Variants in FBXL17 observed in about 807,000 individuals in gnomAD.
FBXL17 encodes F-box and leucine rich repeat protein 17, also known as F-box/LRR-repeat protein 17.
Under a neutral mutation model 66.2 loss-of-function variants are expected in FBXL17, and 22 were observed. The observed-to-expected ratio is 0.33, with a 90% CI of 0.24 to 0.47. The LOEUF is 0.47. Ranked by LOEUF, FBXL17 falls within the 20% of genes least tolerant of loss-of-function variation. The pLI is 1.00. For synonymous variants in FBXL17, 474 were observed against 400.5 expected, an observed-to-expected ratio of 1.18 and a Z score of -2.19; for missense variants, 878 against 948.2, an observed-to-expected ratio of 0.93 and a Z score of 0.97.
At chr5:108,126,993 G>T (rs1047549781) in intron 6 of FBXL17, among the ~76,000 whole-genome samples, 1 of 151,506 alleles carries the variant, frequency 6.6e-6, no homozygotes, top group African/African-American at 2.4e-5. Flanking sequence ...GAAACCCTTG[G>T]GTTCCTAATA....
chr5:108,294,491 A>AT (rs1298167295), intron 4 of FBXL17, among the ~76,000 whole-genome samples: 1 of 151,948 alleles, frequency 6.6e-6, no homozygotes, highest in Non-Finnish European at 1.5e-5. Context: ...CATTATAAAT[A>AT]TTTTTATGAA....
At chr5:108,228,425 C>A (rs1580654058) in intron 4 of FBXL17, among the ~76,000 whole-genome samples, 1 of 152,256 alleles carries the variant, frequency 6.6e-6, no homozygotes, top group Middle Eastern at 3.4e-3. Context: ...AGCTTCAAAT[C>A]CCAACTGGAC....
chr5:108,217,449 G>C (rs1224443241), intron 5 of FBXL17, among the ~76,000 whole-genome samples: 1 of 151,326 alleles, frequency 6.6e-6, no homozygotes, highest in Non-Finnish European at 1.5e-5. Context: ...CTTTTTTTTT[G>C]ATCAGTGTGA....
At chr5:108,358,927 C>A (rs186544177) in intron 3 of FBXL17, among the ~76,000 whole-genome samples, 1 of 151,882 alleles carries the variant, frequency 6.6e-6, no homozygotes, top group African/African-American at 2.4e-5. Flanking sequence ...TGCTATATTG[C>A]CCTAGCTGGA....
At position 108,326,613 on chromosome 5, in the gene FBXL17, A is replaced by T. The variant is rs142250203; in HGVS notation, c.1506+21786T>A. Among the ~76,000 whole-genome samples, 418 of 152,086 alleles carry T rather than the reference A, an allele frequency of 2.7e-3. 4 individuals are homozygous for T. Among genetic ancestry groups the T allele is most frequent in the African/African-American group, 9.5e-3 (396 of 41,504 alleles). On this transcript the variant is annotated intron_variant, in intron 4 of 8. Transcript: ENST00000542267. ...GCGACAGAGCAAGACTCTGTCTCCA[A>T]AAAAAAGCAAAAGATTTGAAAAGAC...
chr5:108,259,761 T>A (rs902999445), intron 4 of FBXL17, among the ~76,000 whole-genome samples: 2 of 152,100 alleles, frequency 1.3e-5, no homozygotes, highest in African/African-American at 4.8e-5. Context: ...AGAGAGGGTA[T>A]CTAAAAGGAA....
At chr5:108,375,173 G>T (rs1179406267) in intron 1 of FBXL17, among the ~76,000 whole-genome samples, 1 of 152,108 alleles carries the variant, frequency 6.6e-6, no homozygotes, top group African/African-American at 2.4e-5. Flanking sequence ...GGAAAACATA[G>T]CAAGACCCTG....
At chr5:108,043,551 T>G (rs1747131248) in intron 6 of FBXL17, among the ~76,000 whole-genome samples, 1 of 152,208 alleles carries the variant, frequency 6.6e-6, no homozygotes, top group Non-Finnish European at 1.5e-5. Context: ...ACGTGAGTCC[T>G]TTCTGAGTTT....
At chr5:107,931,732 G>A (rs1468860153) in intron 7 of FBXL17, among the ~76,000 whole-genome samples, 1 of 152,048 alleles carries the variant, frequency 6.6e-6, no homozygotes, top group Admixed American at 6.6e-5. Flanking sequence ...AGAAATATAG[G>A]TAAGTATTTA....
intron 4 of FBXL17, among the ~76,000 whole-genome samples, chr5:108,323,029 T>C (rs1759689858): frequency 6.6e-6 from 1 of 151,884 alleles, no homozygotes; most frequent in African/African-American, 2.4e-5. Flanking sequence ...AAGCTTTACC[T>C]CTAATAACAG....
At chr5:108,017,086 A>T (rs1472471355) in intron 7 of FBXL17, among the ~76,000 whole-genome samples, 1 of 152,068 alleles carries the variant, frequency 6.6e-6, no homozygotes, top group African/African-American at 2.4e-5. Context: ...GCCTTGAAGG[A>T]AGTAAATTTT....
intron 4 of FBXL17, among the ~76,000 whole-genome samples, chr5:108,322,558 C>T (rs866341898): frequency 6.6e-6 from 1 of 151,744 alleles, no homozygotes; most frequent in Admixed American, 6.6e-5. Context: ...ACATAGAGAG[C>T]AGTGGAGAAG....
chr5:108,114,483 T>C (rs1398915875), intron 6 of FBXL17, among the ~76,000 whole-genome samples: 5 of 152,248 alleles, frequency 3.3e-5, no homozygotes, highest in African/African-American at 9.6e-5. Flanking sequence ...AATAATTTTA[T>C]AGCCAATAAT....
intron 5 of FBXL17, among the ~76,000 whole-genome samples, chr5:108,221,332 C>G (rs1754854677): frequency 6.6e-6 from 1 of 152,148 alleles, no homozygotes; most frequent in Non-Finnish European, 1.5e-5. Context: ...CCCTTCTAAC[C>G]TACTAAATTA....
In FBXL17 at chr5:108,369,211, G is replaced by A. The variant is rs372439331; in HGVS notation, c.994-1258C>T. On this transcript the variant is annotated intron_variant, in intron 1 of 8. Coordinates refer to ENST00000542267, the MANE Select transcript of FBXL17 (RefSeq NM_001163315.3). ...ATTATTCCTCTACACTCCCTCAGGT[G>A]TAAATTGAGTATTCAGTGAAAGGCT... Among the ~76,000 whole-genome samples, 45 of 152,290 alleles carry A rather than the reference G, an allele frequency of 3.0e-4. No homozygotes were observed. In the South Asian group the frequency reaches 7.3e-3, roughly 25 times the overall value.
intron 6 of FBXL17, among the ~76,000 whole-genome samples, chr5:108,102,744 T>C (rs1045909507): frequency 3.3e-5 from 5 of 152,196 alleles, no homozygotes; most frequent in African/African-American, 4.8e-5. Flanking sequence ...TATGAAAAGA[T>C]ACTTCTGCAA....
chr5:108,077,339 T>TG (rs1239041788), intron 6 of FBXL17, among the ~76,000 whole-genome samples: 1 of 152,116 alleles, frequency 6.6e-6, no homozygotes, highest in Non-Finnish European at 1.5e-5. Flanking sequence ...CTGGTAGAAA[T>TG]GGGGGGCTGG....
At chr5:108,035,784 G>C (rs540529499) in intron 6 of FBXL17, among the ~76,000 whole-genome samples, 326 of 152,150 alleles carry the variant, frequency 2.1e-3, no homozygotes, top group Non-Finnish European at 3.7e-3. Flanking sequence ...TAAGTCTAGA[G>C]TTCAGCCAAA....
chr5:108,079,349 T>G (rs1748677801), intron 6 of FBXL17, among the ~76,000 whole-genome samples: 1 of 152,156 alleles, frequency 6.6e-6, no homozygotes. Context: ...AAAGTGATCC[T>G]GAAACTCTCT....
Sources: gnomAD v4.1 joint callset for allele counts (sites outside exome capture counted in the v4.1 genomes callset) on GRCh38, gnomAD v4.1.1 for gene constraint, MANE v1.5 for transcripts, NCBI Gene and HGNC (gene_info 2026-07-23, HGNC 2026-07-21) for gene names.